COL3A1: variants seen among roughly 807,000 people sequenced by gnomAD.
COL3A1 encodes the protein collagen alpha-1(III) chain.
A neutral mutation model predicts 200.9 loss-of-function variants in COL3A1; 46 were observed. The ratio of observed to expected loss-of-function variants is 0.23; its 90% CI spans 0.18 to 0.29. The LOEUF is 0.29. Ranked by LOEUF, COL3A1 falls within the 10% of genes least tolerant of loss-of-function variation. The pLI is 1.00. For missense variants in COL3A1, 1,367 were observed against 1,917.6 expected (o/e 0.71, Z 5.36); for synonymous variants, 650 against 628.0 (o/e 1.03, Z -0.52).
rs2153503066 is a variant in COL3A1, at chr2:188,999,869, G to T, written c.2257G>T (p.Gly753Cys). ...KGEPGGPGAD[G>C]VPGKDGPRGP... ...TGAACCAGGCGGTCCAGGTGCTGAT[G>T]GTGTCCCAGGGAAAGATGGCCCAAG... is the stretch of plus-strand genomic sequence containing the variant. The change falls in exon 32 of 51, where the codon GGT (glycine) becomes TGT (cysteine). Residue 753 changes from glycine to cysteine, a missense_variant. Around this residue, in one of 5 missense-constraint regions of COL3A1, gnomAD observed 846 missense variants for 1,147.9 expected, o/e 0.74. Coordinates refer to ENST00000304636, the MANE Select transcript of COL3A1 (RefSeq NM_000090.4). 1.9e-6 allele frequency: 3 copies of T among 1,594,428 alleles called. No individual in the cohort carries two copies. Among genetic ancestry groups the T allele is most frequent in the Non-Finnish European group, 2.6e-6 (3 of 1,171,514 alleles).
chr2:188,999,520 G>A lies in COL3A1; in HGVS notation c.2172G>A (p.Leu724=), dbSNP rs1688406703. The A allele has an allele frequency of 6.2e-7, 1 of 1,614,044 alleles. No individual in the cohort carries two copies. ...GPPGAAGTPG[L]QGMPGERGGL... is the part of the protein sequence containing the mutation. The stretch of plus-strand genomic sequence containing the variant: ...CTGGTGCTGCTGGTACTCCTGGTCT[G>A]CAAGGAATGCCTGGAGAAAGAGGAG... The change falls in exon 31 of 51, where the codon CTG becomes CTA. Residue 724 remains leucine (L), a synonymous_variant. Coordinates refer to ENST00000304636, the MANE Select transcript of COL3A1 (RefSeq NM_000090.4).
rs574053398 is a variant in COL3A1, at chr2:188,984,618, G to A, written c.80-142G>A. 19 of 728,692 alleles carry A rather than the reference G, an allele frequency of 2.6e-5. No individual in the cohort carries two copies. The East Asian group carries it at 4.3e-4, about 16-fold the overall frequency. 45.1% of individuals were successfully genotyped at this position (728,692 alleles called of 1,614,324 possible). On this transcript the variant is annotated intron_variant, in intron 1 of 50. Coordinates refer to ENST00000304636, the MANE Select transcript of COL3A1 (RefSeq NM_000090.4). Reference sequence around the variant, plus strand: ...CTACTTAGCAAATTACATAGGGCAAGTATAATTTTCTAATGAAAGGAAGAA... The same window carrying A: ...CTACTTAGCAAATTACATAGGGCAAATATAATTTTCTAATGAAAGGAAGAA...
At chr2:188,976,022 C>G (rs781670288) in intron 1 of COL3A1, among the ~76,000 whole-genome samples, 8 of 151,860 alleles carry the variant, frequency 5.3e-5, no homozygotes, top group African/African-American at 7.3e-5. Context: ...CCTCCTCACC[C>G]TTTCTTTCCC....
At chr2:189,011,500 A>G (rs1420532626) in intron 50 of COL3A1, 128 bp from the exon 51 acceptor site, 1 of 1,015,784 alleles carries the variant, frequency 9.8e-7, no homozygotes, top group Non-Finnish European at 1.5e-6. Context: ...CAGGTCTCAT[A>G]TACATGAATA....
At position 189,005,409 on chromosome 2, in the gene COL3A1, C is replaced by T. The variant is rs769111498; in HGVS notation, c.2991C>T (p.Pro997=). 6.2e-7 allele frequency: 1 copy of T among 1,614,010 alleles called. No homozygotes were observed. Among genetic ancestry groups the T allele is most frequent in the South Asian group, 1.1e-5 (1 of 91,060 alleles). ...GTGGAGAACGTGGTCCCCCTGGACC[C>T]CAGGGTCTTCCTGGTCTGGCTGGTA... The part of the protein sequence containing the change: ...GLSGERGPPG[P]QGLPGLAGTA... Residue 997 remains proline, a synonymous_variant, in exon 41 of 51, where the codon CCC becomes CCT. Coordinates refer to ENST00000304636, the MANE Select transcript of COL3A1 (RefSeq NM_000090.4).
chr2:189,008,852 G>A lies in COL3A1; in HGVS notation c.3526-72G>A, dbSNP rs1688652818. 23 of 1,457,186 alleles carry A rather than the reference G, an allele frequency of 1.6e-5. No individual in the cohort carries two copies. The South Asian group carries it at 2.4e-4, about 15-fold the overall frequency. 90.3% of individuals were successfully genotyped at this position (1,457,186 alleles called of 1,614,324 possible). On this transcript the variant is annotated intron_variant, in intron 47 of 50. Transcript: ENST00000304636. ...TGAATTATTTTTAAGGCATTTTCTT[G>A]GACTAGCAATGTATTCTTAGAGTGG... is the stretch of plus-strand genomic sequence containing the variant.
At chr2:189,003,292 CA>C (rs142070735) in intron 36 of COL3A1, 118 bp from the exon 37 acceptor site, 1 of 872,280 alleles carries the variant, frequency 1.1e-6, no homozygotes, top group African/African-American at 1.7e-5. Flanking sequence ...ATCTCAGCAC[CA>C]GCAATCTAAA....
intron 11 of COL3A1, 139 bp downstream of exon 11, chr2:188,991,196 C>A (rs1233192039): frequency 3.5e-6 from 3 of 858,270 alleles, no homozygotes; most frequent in Non-Finnish European, 1.8e-6. Context: ...TAATGGTAAC[C>A]AATTCAGATA....
intron 1 of COL3A1, among the ~76,000 whole-genome samples, chr2:188,980,107 A>C (rs1687918339): frequency 6.6e-6 from 1 of 151,652 alleles, no homozygotes; most frequent in African/African-American, 2.4e-5. Context: ...ACTTAGTGAT[A>C]AGGATGGTGA....
chr2:188,991,188 A>G, intron 11 of COL3A1, 131 bp downstream of exon 11: 1 of 902,314 alleles, frequency 1.1e-6, no homozygotes. Context: ...GGTGTGAATA[A>G]TGGTAACCAA....
chr2:188,997,811 C>T (rs1053574177), intron 27 of COL3A1, 58 bp downstream of exon 27: 1 of 1,433,906 alleles, frequency 7.0e-7, no homozygotes, highest in African/African-American at 1.4e-5. Flanking sequence ...TTTTTGTGTC[C>T]CTAATAGATT....
intron 40 of COL3A1, 46 bp downstream of exon 40, chr2:189,004,410 C>G (rs2153503544): frequency 1.3e-6 from 2 of 1,505,244 alleles, no homozygotes; most frequent in South Asian, 2.4e-5. Flanking sequence ...CTTTGGTAGC[C>G]TTCAGAGATC....
chr2:188,994,219 T>C lies in COL3A1; in HGVS notation c.1195-15T>C. 1 of 1,613,782 alleles carries C rather than the reference T, an allele frequency of 6.2e-7. No individual in the cohort carries two copies. The highest frequency in any genetic ancestry group is 8.5e-7 in the Non-Finnish European group (1 of 1,179,716). On this transcript the variant is annotated splice_polypyrimidine_tract_variant and intron_variant, in intron 17 of 50. Coordinates refer to ENST00000304636, the MANE Select transcript of COL3A1 (RefSeq NM_000090.4). The surrounding 1 kb of genome is among the most constrained non-coding windows in gnomAD (Gnocchi z 4.5). The stretch of plus-strand genomic sequence containing the variant: ...TTCAAGTTCGGCTAATATAGTGTCT[T>C]TGGTTTGTTCTTAGGGTCCCGCTGG...
chr2:188,994,370 A>G lies in COL3A1; in HGVS notation c.1293+38A>G. The stretch of plus-strand genomic sequence containing the variant: ...GTTTTTTCTCTGTTGACTGAAAGGT[A>G]TAGTTTAATTCCATCAACAAAAAAT... On this transcript the variant is annotated intron_variant, in intron 18 of 50. Transcript: ENST00000304636. This position sits in a 1 kb window ranked among gnomAD's most constrained non-coding sequence, Gnocchi z 4.5. The G allele has an allele frequency of 6.2e-7, 1 of 1,610,448 alleles. No individual in the cohort carries two copies. The highest frequency in any genetic ancestry group is 8.5e-7 in the Non-Finnish European group (1 of 1,177,300).
intron 47 of COL3A1, 146 bp downstream of exon 47, chr2:189,008,288 C>T: frequency 1.3e-6 from 1 of 744,234 alleles, no homozygotes; most frequent in Non-Finnish European, 2.3e-6. Flanking sequence ...AAGACATTCT[C>T]CATCACATTA....
chr2:189,001,188 T>C (rs1233742440), intron 32 of COL3A1, among the ~76,000 whole-genome samples: 1 of 152,182 alleles, frequency 6.6e-6, no homozygotes, highest in Non-Finnish European at 1.5e-5. Flanking sequence ...TCCTATTTTC[T>C]CCCAGAGTTA....
intron 47 of COL3A1, 81 bp from the exon 48 acceptor site, chr2:189,008,843 C>T: frequency 1.4e-6 from 2 of 1,405,562 alleles, no homozygotes; most frequent in Non-Finnish European, 1.0e-6. Context: ...ATTTTTAAGG[C>T]ATTTTCTTGG....
chr2:189,003,471 A>T lies in COL3A1; in HGVS notation c.2607+7A>T. 6.2e-7 allele frequency: 1 copy of T among 1,612,892 alleles called. No homozygotes were observed. On this transcript the variant is annotated splice_region_variant and intron_variant, in intron 37 of 50. Transcript: ENST00000304636. ...TGGCAGTCCTGGTGGACCTGTAAGT[A>T]TTGATCCTCTTAACTATTATTGAAA... is the stretch of plus-strand genomic sequence containing the variant.
At chr2:188,992,656 TA>T (rs1291470671) in intron 14 of COL3A1, among the ~76,000 whole-genome samples, 19 of 152,300 alleles carry the variant, frequency 1.2e-4, no homozygotes, top group African/African-American at 4.6e-4. Context: ...TAGCCTGCAC[TA>T]AGTCACAGAA....
Sources: allele counts gnomAD v4.1 joint callset (sites outside exome capture counted in the v4.1 genomes callset), GRCh38; gene constraint gnomAD v4.1.1; regional missense constraint gnomAD v4.1.1; non-coding constraint Gnocchi (gnomAD v3.1); transcripts MANE v1.5; gene names NCBI Gene and HGNC (gene_info 2026-07-23, HGNC 2026-07-21).